BACH2: variants seen among roughly 807,000 people sequenced by gnomAD.
BACH2 encodes the protein BACH transcriptional regulator 2, also known as transcription regulator protein BACH2.
A neutral mutation model predicts 61.8 loss-of-function variants in BACH2; 5 were observed. That is an observed-to-expected ratio of 0.08 (90% CI 0.04 to 0.17). The LOEUF (loss-of-function observed/expected upper bound fraction) is 0.17. Among genes scored for constraint, BACH2 ranks in the 10% least tolerant of loss-of-function variants. The probability of loss-of-function intolerance (pLI) is 1.00; values close to 1 mark genes in which losing one functional copy is unlikely to be tolerated. For missense variants in BACH2, 824 were observed against 1,091.1 expected, an observed-to-expected ratio of 0.76 and a Z score of 3.45; for synonymous variants, 446 against 440.1, an observed-to-expected ratio of 1.01 and a Z score of -0.17.
At chr6:90,103,371 G>T (rs886644331) in intron 4 of BACH2, among the ~76,000 whole-genome samples, 2 of 151,932 alleles carry the variant, frequency 1.3e-5, no homozygotes, top group East Asian at 1.9e-4. Flanking sequence ...GCTCTCCATG[G>T]CGAAGTGTGT....
chr6:89,933,733 C>A (rs957022162), intron 8 of BACH2, among the ~76,000 whole-genome samples: 8 of 152,152 alleles, frequency 5.3e-5, no homozygotes, highest in African/African-American at 1.9e-4. Flanking sequence ...CACCTATAAT[C>A]CCAACACTAT....
At chr6:90,138,051 AAAACACAC>A (rs1784336395) in intron 4 of BACH2, among the ~76,000 whole-genome samples, 1 of 93,654 alleles carries the variant, frequency 1.1e-5, no homozygotes, top group African/African-American at 3.5e-5. Context: ...TTCTAATCAT[AAAACACAC>A]ACACACACAC....
chr6:90,290,832 A>C (rs1772155915), intron 1 of BACH2, among the ~76,000 whole-genome samples: 1 of 152,206 alleles, frequency 6.6e-6, no homozygotes, highest in Non-Finnish European at 1.5e-5. Context: ...AAGACTTGGA[A>C]ACTCGAAAAG....
At chr6:90,275,512 C>CT (rs1771661647) in intron 1 of BACH2, among the ~76,000 whole-genome samples, 4 of 152,102 alleles carry the variant, frequency 2.6e-5, no homozygotes, top group Non-Finnish European at 5.9e-5. Context: ...ATTTACTTAA[C>CT]TTTTACCTTC....
intron 3 of BACH2, among the ~76,000 whole-genome samples, chr6:90,212,463 A>G (rs987964386): frequency 1.3e-5 from 2 of 152,182 alleles, no homozygotes; most frequent in Non-Finnish European, 2.9e-5. Flanking sequence ...GTGGTTCTCC[A>G]TGACTTCAGT....
intron 5 of BACH2, among the ~76,000 whole-genome samples, chr6:90,017,066 T>A (rs920967434): frequency 6.6e-6 from 1 of 152,194 alleles, no homozygotes; most frequent in Non-Finnish European, 1.5e-5. Flanking sequence ...TGGAAAAATT[T>A]TGGCCATCAT....
intron 3 of BACH2, among the ~76,000 whole-genome samples, chr6:90,227,056 G>A (rs1162718185): frequency 1.3e-5 from 2 of 152,184 alleles, no homozygotes; most frequent in African/African-American, 2.4e-5. Flanking sequence ...TCTATCTGAA[G>A]ATGAAATGAA....
In BACH2 at chr6:90,252,894, TAAAG is replaced by T. The variant is rs1240171195; in HGVS notation, c.-352-308_-352-305del. ...AAAATGTACTCTTAGGCTGCATTAA[TAAAG>T]ACACTGTTCTCAAGGCCAGATAAGC... On this transcript the variant is annotated intron_variant, in intron 2 of 8. Transcript: ENST00000257749. 2.6e-5 allele frequency among the ~76,000 whole-genome samples: 4 copies of T among 152,344 alleles called. No individual in the cohort carries two copies. In the East Asian group the frequency reaches 7.7e-4, roughly 29 times the overall value.
rs542951734 is a variant in BACH2 at position 90,124,320 on chromosome 6, AAAGAC to A, written c.-161-35216_-161-35212del. ...AGTATTAAACAATACAGAAAAGCAC[AAAGAC>A]AAAAGTAAATATCCAGATTCACCAT... is the stretch of plus-strand genomic sequence containing the variant. On this transcript the variant is annotated intron_variant, in intron 4 of 8. Coordinates refer to ENST00000257749, the MANE Select transcript of BACH2 (RefSeq NM_021813.4). Among the ~76,000 whole-genome samples the A allele has an allele frequency of 1.5e-3, 232 of 152,382 alleles. 1 individual carries two copies. The highest frequency in any genetic ancestry group is 5.2e-3 in the African/African-American group (218 of 41,584).
At chr6:90,121,108 AT>A (rs1402858110) in intron 4 of BACH2, among the ~76,000 whole-genome samples, 1 of 152,202 alleles carries the variant, frequency 6.6e-6, no homozygotes, top group Non-Finnish European at 1.5e-5. Flanking sequence ...GAGACTGAAA[AT>A]GGAAATCATG....
At chr6:90,054,663 G>A (rs530598438) in intron 5 of BACH2, among the ~76,000 whole-genome samples, 30 of 152,320 alleles carry the variant, frequency 2.0e-4, no homozygotes, top group African/African-American at 6.7e-4. Context: ...CTGAGAACGG[G>A]CATACTGCCT....
At chr6:90,147,388 C>T (rs1232757694) in intron 4 of BACH2, among the ~76,000 whole-genome samples, 2 of 152,174 alleles carry the variant, frequency 1.3e-5, no homozygotes, top group Non-Finnish European at 2.9e-5. Context: ...TTTCTCTGAT[C>T]TGCTGTTCGC....
At chr6:89,973,318 C>A (rs1001190706) in intron 6 of BACH2, among the ~76,000 whole-genome samples, 1 of 152,182 alleles carries the variant, frequency 6.6e-6, no homozygotes, top group African/African-American at 2.4e-5. Context: ...TGAGATGATG[C>A]TGCATACAGC....
At chr6:90,086,901 A>AT (rs1781956654) in intron 5 of BACH2, among the ~76,000 whole-genome samples, 1 of 152,154 alleles carries the variant, frequency 6.6e-6, no homozygotes, top group Non-Finnish European at 1.5e-5. Context: ...TGGAGATGGT[A>AT]TATTTTTGAG....
chr6:90,185,141 G>C (rs188974310), intron 4 of BACH2, among the ~76,000 whole-genome samples: 70 of 152,294 alleles, frequency 4.6e-4, no homozygotes, highest in Non-Finnish European at 9.0e-4. Flanking sequence ...TAAGTCAATG[G>C]GGGGAGACAG....
chr6:90,026,779 A>G (rs779560102), intron 5 of BACH2, among the ~76,000 whole-genome samples: 1 of 152,234 alleles, frequency 6.6e-6, no homozygotes, highest in Non-Finnish European at 1.5e-5. Context: ...GCTTTCACAG[A>G]AAAGATTCTT....
At chr6:90,061,368 T>C (rs999971796) in intron 5 of BACH2, among the ~76,000 whole-genome samples, 4 of 152,176 alleles carry the variant, frequency 2.6e-5, no homozygotes, top group South Asian at 2.1e-4. Context: ...ATTTCATTTA[T>C]TGAGATAAGA....
At chr6:90,041,996 C>T (rs1032125578) in intron 5 of BACH2, among the ~76,000 whole-genome samples, 1 of 152,122 alleles carries the variant, frequency 6.6e-6, no homozygotes, top group Non-Finnish European at 1.5e-5. Context: ...ATATTTTAGG[C>T]CACGGCTTCT....
chr6:89,930,163 AC>A lies in BACH2; in HGVS notation c.*2244del, dbSNP rs1203892174. 2.8e-5 allele frequency: 4 copies of A among 144,770 alleles called. No individual in the cohort carries two copies. Among genetic ancestry groups the A allele is most frequent in the Admixed American group, 6.9e-5 (1 of 14,392 alleles). The allele number at this position is 144,770 out of a possible 1,614,324, so 9.0% of individuals were successfully genotyped here. ...CACACACACACACACACACACACAC[AC>A]AAACAAGAAAAAACAAAAACCCAGA... On this transcript the variant is annotated 3_prime_UTR_variant, in exon 9 of 9. Transcript: ENST00000257749.
Sources: gnomAD v4.1 joint callset for allele counts (sites outside exome capture counted in the v4.1 genomes callset) on GRCh38, gnomAD v4.1.1 for gene constraint, MANE v1.5 for transcripts, NCBI Gene and HGNC (gene_info 2026-07-23, HGNC 2026-07-21) for gene names.